PKP3: variants seen among roughly 807,000 people sequenced by gnomAD.
PKP3 encodes plakophilin-3.
Under a neutral mutation model 76.5 loss-of-function variants are expected in PKP3, and 66 were observed. The ratio of observed to expected loss-of-function variants is 0.86; its 90% CI spans 0.71 to 1.06. The LOEUF is 1.06. PKP3 is among the 50% of genes least tolerant of loss of function. PKP3 has a pLI of 0.00. For missense variants in PKP3, 1,338 were observed against 1,141.0 expected (o/e 1.17, Z -2.49); for synonymous variants, 638 against 516.5 (o/e 1.24, Z -3.19).
In PKP3 at chr11:404,592, G is replaced by A; in HGVS notation, c.*23G>A. On this transcript the variant is annotated 3_prime_UTR_variant, in exon 13 of 13. Transcript: ENST00000331563. This position sits in a 1 kb window ranked among gnomAD's most constrained non-coding sequence, Gnocchi z 4.2. Reference sequence around the variant, plus strand: ...TAGGTGAAGCCTTCTGGAGGAGAAGGTGACGTGGCCCAGCGTCCAAGGGAC... The same window carrying A: ...TAGGTGAAGCCTTCTGGAGGAGAAGATGACGTGGCCCAGCGTCCAAGGGAC... 1.2e-6 allele frequency: 2 copies of A among 1,610,762 alleles called. No homozygotes were observed. Among genetic ancestry groups the A allele is most frequent in the South Asian group, 1.1e-5 (1 of 91,048 alleles).
rs1847188648 is a variant in PKP3, at chr11:403,279, C to T, written c.1923+16C>T. On this transcript the variant is annotated intron_variant, in intron 9 of 12. Transcript: ENST00000331563. ...CGACCGCAGGGTGGGGCACCCAACC[C>T]AGACCCGAGGGGGTCCCAGGGGTTC... 6.4e-7 allele frequency: 1 copy of T among 1,556,134 alleles called. No homozygotes were observed. The highest frequency in any genetic ancestry group is 8.6e-7 in the Non-Finnish European group (1 of 1,156,134).
rs1476858320 is a variant in PKP3 at position 399,849 on chromosome 11, G to C, written c.1274-118G>C. The C allele has an allele frequency of 1.8e-5, 15 of 817,816 alleles. No homozygotes were observed. In the East Asian group the frequency reaches 3.8e-4, roughly 21 times the overall value. 50.7% of individuals were successfully genotyped at this position (817,816 alleles called of 1,614,324 possible). On this transcript the variant is annotated intron_variant, in intron 5 of 12. Coordinates refer to ENST00000331563, the MANE Select transcript of PKP3 (RefSeq NM_007183.4). Reference sequence around the variant, plus strand: ...AGGGTCTCCCCAGTGGGGCTCGTGGGTGAGGCACAGAACACCAGGCCAGCC... The same window carrying C: ...AGGGTCTCCCCAGTGGGGCTCGTGGCTGAGGCACAGAACACCAGGCCAGCC...
Position 404,403 on chromosome 11 carries a change from A to G in PKP3, c.2358+80A>G, listed in dbSNP as rs760548326. On this transcript the variant is annotated intron_variant, in intron 12 of 12. Coordinates refer to ENST00000331563, the MANE Select transcript of PKP3 (RefSeq NM_007183.4). This position sits in a 1 kb window ranked among gnomAD's most constrained non-coding sequence, Gnocchi z 4.2. ...CGGGGGAGGGTCAGTGAAGAGGCCCATGGGAGGATGGAGACCAGGGACCCA... is the reference window on the plus strand; with the variant it reads ...CGGGGGAGGGTCAGTGAAGAGGCCCGTGGGAGGATGGAGACCAGGGACCCA... 1.4e-6 allele frequency: 2 copies of G among 1,465,522 alleles called. No homozygotes were observed. Among genetic ancestry groups the G allele is most frequent in the East Asian group, 4.5e-5 (2 of 44,098 alleles). 90.8% of individuals were successfully genotyped at this position (1,465,522 alleles called of 1,614,324 possible). A position where few individuals can be genotyped will look rare whatever the true frequency, so the allele number is the denominator to read the frequency against.
At chr11:397,929 ACATATACCTCATCACCTCCATACCCCCG>A (rs1847078826) in intron 4 of PKP3, among the ~76,000 whole-genome samples, 2 of 78,394 alleles carry the variant, frequency 2.6e-5, no homozygotes, top group Non-Finnish European at 5.2e-5. Flanking sequence ...CCGTACCCCC[ACATATACCTCATCACCTCCATACCCCCG>A]CACACACCTC....
In PKP3 at chr11:403,998, G is replaced by C; in HGVS notation, c.2133G>C (p.Lys711Asn). Residue 711 changes from lysine (K) to asparagine (N), a missense_variant, in exon 11 of 13, where the codon AAG becomes AAC. Physicochemically the swap from Lys to Asn is moderately conservative, Grantham distance 94. Transcript: ENST00000331563. Reference protein sequence around the residue: ...IEKLPGSVGEKSPPAEVLVNI... With the variant: ...IEKLPGSVGENSPPAEVLVNI... ...AGCTGCCGGGCAGCGTGGGTGAGAA[G>C]TCGCCCCCAGCCGAGGTGCTGGTCA... The C allele has an allele frequency of 6.2e-7, 1 of 1,611,460 alleles. No individual in the cohort carries two copies. The highest frequency in any genetic ancestry group is 2.2e-5 in the East Asian group (1 of 44,840).
rs753376284 is a variant in PKP3, at chr11:403,029, CCCCG to C, written c.1738-48_1738-45del. ...CGACCCGCTCACCCCGACCCGCTCA[CCCCG>C]ACCCGCTCACCCCGACCCCGCCGAC... is the stretch of plus-strand genomic sequence containing the variant. On this transcript the variant is annotated intron_variant, in intron 8 of 12. Transcript: ENST00000331563. The C allele has an allele frequency of 8.1e-6, 8 of 987,226 alleles. 3 individuals are homozygous for C. The South Asian group carries it at 1.5e-4, about 19-fold the overall frequency. 61.2% of individuals were successfully genotyped at this position (987,226 alleles called of 1,614,324 possible). A position where few individuals can be genotyped will look rare whatever the true frequency, so the allele number is the denominator to read the frequency against.
chr11:395,184 A>G (rs952190144), intron 1 of PKP3, among the ~76,000 whole-genome samples: 8 of 152,196 alleles, frequency 5.3e-5, no homozygotes, highest in Non-Finnish European at 1.2e-4. Flanking sequence ...TGACAGGAGC[A>G]CAGACGCTGT....
chr11:404,232 T>C lies in PKP3; in HGVS notation c.2271-4T>C. Reference sequence around the variant, plus strand: ...GTCCCCTCCTGACTGCCCTCCACCCTCAGCCCCGACAGTGAGAAGTCCTCC... The same window carrying C: ...GTCCCCTCCTGACTGCCCTCCACCCCCAGCCCCGACAGTGAGAAGTCCTCC... On this transcript the variant is annotated splice_polypyrimidine_tract_variant and splice_region_variant and intron_variant, in intron 11 of 12. Transcript: ENST00000331563. This position sits in a 1 kb window ranked among gnomAD's most constrained non-coding sequence, Gnocchi z 4.2. 6.2e-7 allele frequency: 1 copy of C among 1,612,188 alleles called. No individual in the cohort carries two copies. Among genetic ancestry groups the C allele is most frequent in the Non-Finnish European group, 8.5e-7 (1 of 1,179,568 alleles).
At chr11:393,952 G>A (rs1222650185), upstream of PKP3, among the ~76,000 whole-genome samples, 1 of 152,232 alleles carries the variant, frequency 6.6e-6, no homozygotes, top group African/African-American at 2.4e-5. Context: ...AAAGGGCCCG[G>A]TCTGGCCTTT....
At position 400,634 on chromosome 11, in the gene PKP3, A is replaced by C; in HGVS notation, c.1666A>C (p.Arg556=). The change falls in exon 8 of 13, where the codon AGG becomes CGG. Residue 556 remains arginine (R), a synonymous_variant. Coordinates refer to ENST00000331563, the MANE Select transcript of PKP3 (RefSeq NM_007183.4). Reference sequence around the variant, plus strand: ...GCAGCGGCTGGAGGGTCGCGGCCGCAGGGACCTGGCGGGGGCGCCGCCGGG... The same window carrying C: ...GCAGCGGCTGGAGGGTCGCGGCCGCCGGGACCTGGCGGGGGCGCCGCCGGG... ...ALQRLEGRGR[R]DLAGAPPGEV... 7.1e-7 allele frequency: 1 copy of C among 1,401,222 alleles called. No homozygotes were observed. Among genetic ancestry groups the C allele is most frequent in the South Asian group, 1.5e-5 (1 of 65,992 alleles). The allele number at this position is 1,401,222 out of a possible 1,614,324, so 86.8% of individuals were successfully genotyped here.
In PKP3 at chr11:400,536, G is replaced by C. The variant is rs770531756; in HGVS notation, c.1568G>C (p.Ser523Thr). Residue 523 changes from serine (S) to threonine (T), a missense_variant and splice_region_variant, in exon 8 of 13, where the codon AGC (serine) becomes ACC (threonine). Ser to Thr is a moderately conservative substitution (Grantham distance 58, BLOSUM62 1). Coordinates refer to ENST00000331563, the MANE Select transcript of PKP3 (RefSeq NM_007183.4). ...CCTGCCCCGCGCCCCCGCCCGCAGA[G>C]CGTGGAGAACGCGGTGTGCGTCCTG... ...ALDAGKCEDK[S>T]VENAVCVLRN... 3 of 1,491,742 alleles carry C rather than the reference G, an allele frequency of 2.0e-6. No homozygotes were observed. The highest frequency in any genetic ancestry group is 2.7e-6 in the Non-Finnish European group (3 of 1,128,126). 92.4% of individuals were successfully genotyped at this position (1,491,742 alleles called of 1,614,324 possible).
At position 397,277 on chromosome 11, in the gene PKP3, G is replaced by GGAGCC. The variant is rs1564879072; in HGVS notation, c.778_782dup (p.Gly262AlafsTer4). Reference sequence around the variant, plus strand: ...CTGCAGCGATTCCAGAGCAGCCACCGGAGCCGCGGGGTAGGCGGGGCAGTG... The same window carrying GGAGCC: ...CTGCAGCGATTCCAGAGCAGCCACCGGAGCCGAGCCGCGGGGTAGGCGGGGCAGTG... On this transcript the variant is annotated frameshift_variant, in exon 3 of 13. Transcript: ENST00000331563. LOFTEE classifies it high-confidence loss of function. 4 of 1,596,198 alleles carry GGAGCC rather than the reference G, an allele frequency of 2.5e-6. No individual in the cohort carries two copies. Among genetic ancestry groups the GGAGCC allele is most frequent in the Non-Finnish European group, 2.6e-6 (3 of 1,175,030 alleles).
chr11:400,804 T>TC (rs1222209126), intron 8 of PKP3, 99 bp downstream of exon 8: 2 of 428,446 alleles, frequency 4.7e-6, no homozygotes, highest in Non-Finnish European at 5.6e-6. Flanking sequence ...CCCGCCCCGC[T>TC]CACCCCGCCC....
chr11:398,953 C>T, intron 4 of PKP3, 39 bp from the exon 5 acceptor site: 1 of 1,435,422 alleles, frequency 7.0e-7, no homozygotes, highest in Admixed American at 2.0e-5. Flanking sequence ...TGCATCCATC[C>T]ACATGCGTCT....
chr11:397,283 G>A lies in PKP3; in HGVS notation c.782G>A (p.Arg261His), dbSNP rs368100123. The change falls in exon 3 of 13, where the codon CGC becomes CAC. Residue 261 changes from arginine to histidine, a missense_variant. Physicochemically the swap from Arg to His is conservative, Grantham distance 29. Coordinates refer to ENST00000331563, the MANE Select transcript of PKP3 (RefSeq NM_007183.4). ...CGATTCCAGAGCAGCCACCGGAGCC[G>A]CGGGGTAGGCGGGGCAGTGCCGGGG... ...LQRFQSSHRS[R>H]GVGGAVPGAV... is the part of the protein sequence containing the mutation. The A allele has an allele frequency of 1.2e-5, 19 of 1,592,570 alleles. No homozygotes were observed. The highest frequency in any genetic ancestry group is 8.0e-5 in the African/African-American group (6 of 74,708).
At position 399,131 on chromosome 11, in the gene PKP3, A is replaced by C. The variant is rs920680130; in HGVS notation, c.1208A>C (p.Asn403Thr). 1 of 1,611,860 alleles carries C rather than the reference A, an allele frequency of 6.2e-7. No individual in the cohort carries two copies. Among genetic ancestry groups the C allele is most frequent in the African/African-American group, 1.3e-5 (1 of 74,958 alleles). ...AACAAGCTGGCCCTGGTGGAGGAGAACGGGATCTTCGAGCTGCTGCGGACA... is the reference window on the plus strand; with the variant it reads ...AACAAGCTGGCCCTGGTGGAGGAGACCGGGATCTTCGAGCTGCTGCGGACA... ...ADNKLALVEE[N>T]GIFELLRTLR... Residue 403 changes from asparagine to threonine, a missense_variant, in exon 5 of 13, where the codon AAC becomes ACC. Asn to Thr is a moderately conservative substitution (Grantham distance 65). Transcript: ENST00000331563.
At chr11:396,563 C>T in intron 1 of PKP3, 45 bp from the exon 2 acceptor site, 1 of 1,381,130 alleles carries the variant, frequency 7.2e-7, no homozygotes, top group South Asian at 1.3e-5. Flanking sequence ...GAGGCCAGTG[C>T]TTTGCTGTGT....
In PKP3 at chr11:400,546, CGCG is replaced by C; in HGVS notation, c.1580_1582del (p.Ala527del). 6.7e-7 allele frequency: 1 copy of C among 1,495,008 alleles called. No homozygotes were observed. Among genetic ancestry groups the C allele is most frequent in the Non-Finnish European group, 8.9e-7 (1 of 1,129,400 alleles). 92.6% of individuals were successfully genotyped at this position (1,495,008 alleles called of 1,614,324 possible). ...GCCCCCGCCCGCAGAGCGTGGAGAA[CGCG>C]GTGTGCGTCCTGCGGAACCTGTCCT... On this transcript the variant is annotated inframe_deletion, in exon 8 of 13. Coordinates refer to ENST00000331563, the MANE Select transcript of PKP3 (RefSeq NM_007183.4).
rs773483671 is a variant in PKP3, at chr11:403,601, A to T, written c.1924-17A>T. ...CTGAGGCCTCCGGGTCACGGCTCAC[A>T]CCCTCCCTCCCCACAGTGGGCGGGG... On this transcript the variant is annotated splice_polypyrimidine_tract_variant and intron_variant, in intron 9 of 12. Coordinates refer to ENST00000331563, the MANE Select transcript of PKP3 (RefSeq NM_007183.4). The T allele has an allele frequency of 6.3e-7, 1 of 1,599,324 alleles. No homozygotes were observed. Among genetic ancestry groups the T allele is most frequent in the Admixed American group, 1.7e-5 (1 of 59,836 alleles).
Sources: gnomAD v4.1 joint callset for allele counts (sites outside exome capture counted in the v4.1 genomes callset) on GRCh38, gnomAD v4.1.1 for gene constraint, Gnocchi (gnomAD v3.1) non-coding constraint, MANE v1.5 for transcripts, NCBI Gene and HGNC (gene_info 2026-07-23, HGNC 2026-07-21) for gene names.